Variants in DSCAM observed in about 807,000 individuals in gnomAD.
DSCAM encodes the protein cell adhesion molecule DSCAM.
A neutral mutation model predicts 217.7 loss-of-function variants in DSCAM; 47 were observed. The observed-to-expected ratio is 0.22, with a 90% confidence interval of 0.17 to 0.28. The LOEUF is 0.28. Ranked by LOEUF, DSCAM falls within the 10% of genes least tolerant of loss-of-function variation. The pLI, the probability that DSCAM is intolerant of heterozygous loss-of-function variation, is 1.00. For missense variants in DSCAM, 2,080 were observed against 2,618.3 expected, an observed-to-expected ratio of 0.79 and a Z score of 4.49; for synonymous variants, 1,056 against 1,015.3, an observed-to-expected ratio of 1.04 and a Z score of -0.76.
At chr21:40,351,046 C>T (rs2123640232) in intron 5 of DSCAM, among the ~76,000 whole-genome samples, 1 of 151,948 alleles carries the variant, frequency 6.6e-6, no homozygotes, top group East Asian at 1.9e-4. Context: ...CCATCACACC[C>T]AGCACAAACA....
At chr21:40,520,329 C>T (rs1451112420) in intron 3 of DSCAM, among the ~76,000 whole-genome samples, 1 of 152,104 alleles carries the variant, frequency 6.6e-6, no homozygotes, top group Non-Finnish European at 1.5e-5. Flanking sequence ...ATAATTATAG[C>T]AAGTCAGTTA....
At chr21:40,274,869 G>A (rs114749586) in intron 11 of DSCAM, among the ~76,000 whole-genome samples, 6 of 151,990 alleles carry the variant, frequency 3.9e-5, no homozygotes, top group South Asian at 2.1e-4. Context: ...TAAATTCTTC[G>A]TGAGTTAGGA....
chr21:40,164,717 G>A (rs183862691), intron 16 of DSCAM, among the ~76,000 whole-genome samples: 8 of 152,252 alleles, frequency 5.3e-5, no homozygotes, highest in African/African-American at 7.2e-5. Context: ...CAGGAGAATT[G>A]CTTGAACTCG....
At chr21:40,738,771 G>A (rs1450892823) in intron 1 of DSCAM, among the ~76,000 whole-genome samples, 1 of 152,212 alleles carries the variant, frequency 6.6e-6, no homozygotes, top group East Asian at 1.9e-4. Context: ...ACCACACTTG[G>A]AGAAGCAAAG....
chr21:40,285,308 G>C (rs575835324), intron 10 of DSCAM, among the ~76,000 whole-genome samples: 1 of 152,334 alleles, frequency 6.6e-6, no homozygotes, highest in East Asian at 1.9e-4. Context: ...TCTTCAGTGT[G>C]ACTGCCTACA....
chr21:40,481,865 G>A (rs79345946), intron 3 of DSCAM, among the ~76,000 whole-genome samples: 3,686 of 152,268 alleles, frequency 0.024, 103 homozygotes, highest in East Asian at 0.12. Context: ...AGTTGAGTGA[G>A]GGACAGAGCA....
At chr21:40,270,781 G>C (rs969886287) in intron 11 of DSCAM, among the ~76,000 whole-genome samples, 2 of 152,024 alleles carry the variant, frequency 1.3e-5, no homozygotes, top group African/African-American at 4.8e-5. Flanking sequence ...GCAGCTTGGG[G>C]CTGGGCTACT....
At position 40,189,795 on chromosome 21, in the gene DSCAM, G is replaced by T. The variant is rs535337647; in HGVS notation, c.2357-557C>A. Among the ~76,000 whole-genome samples, 20 of 152,258 alleles carry T rather than the reference G, an allele frequency of 1.3e-4. No individual in the cohort carries two copies. In the South Asian group the frequency reaches 4.1e-3, roughly 32 times the overall value. On this transcript the variant is annotated intron_variant, in intron 11 of 32. Transcript: ENST00000400454. ...CCTCCTCGCCTTCCATCATGGTCAT[G>T]AGGCCTCCCCAGCCACATGGAACTG...
At chr21:40,651,537 T>C (rs1273761267) in intron 3 of DSCAM, among the ~76,000 whole-genome samples, 2 of 152,136 alleles carry the variant, frequency 1.3e-5, no homozygotes, top group African/African-American at 4.8e-5. Context: ...ATAATTTCCA[T>C]CCCTCTGATT....
intron 18 of DSCAM, among the ~76,000 whole-genome samples, chr21:40,136,577 T>C (rs540633963): frequency 6.6e-6 from 1 of 152,254 alleles, no homozygotes; most frequent in East Asian, 1.9e-4. Flanking sequence ...CTGTCAAAGA[T>C]CACACACGTA....
chr21:40,579,443 C>G (rs1452574148), intron 3 of DSCAM, among the ~76,000 whole-genome samples: 1 of 152,052 alleles, frequency 6.6e-6, no homozygotes, highest in Non-Finnish European at 1.5e-5. Context: ...ATTCCAATGT[C>G]TCTTTAATAG....
chr21:40,732,256 C>T (rs1406043453), intron 1 of DSCAM, among the ~76,000 whole-genome samples: 1 of 152,210 alleles, frequency 6.6e-6, no homozygotes, highest in African/African-American at 2.4e-5. Flanking sequence ...CCCTAGGACC[C>T]TCCCTTCCTT....
chr21:40,581,282 A>G (rs1439138298), intron 3 of DSCAM, among the ~76,000 whole-genome samples: 6 of 152,294 alleles, frequency 3.9e-5, no homozygotes, highest in Non-Finnish European at 2.9e-5. Flanking sequence ...ACCTTTTGCT[A>G]GTTCCATGGG....
At chr21:40,405,641 T>C (rs1296952630) in intron 3 of DSCAM, among the ~76,000 whole-genome samples, 1 of 152,108 alleles carries the variant, frequency 6.6e-6, no homozygotes, top group African/African-American at 2.4e-5. Context: ...CTCAATACAA[T>C]AACAAGAAAG....
chr21:40,751,248 C>A (rs984167244), intron 1 of DSCAM, among the ~76,000 whole-genome samples: 1 of 152,214 alleles, frequency 6.6e-6, no homozygotes. Context: ...TGAAACTCCA[C>A]GTCTCCCTTA....
At chr21:40,206,806 G>C (rs2091132046) in intron 11 of DSCAM, among the ~76,000 whole-genome samples, 1 of 152,208 alleles carries the variant, frequency 6.6e-6, no homozygotes, top group African/African-American at 2.4e-5. Context: ...AGCTAGCTGG[G>C]GGACTGAGGT....
intron 11 of DSCAM, among the ~76,000 whole-genome samples, chr21:40,190,706 T>C (rs1489125716): frequency 1.3e-5 from 2 of 152,096 alleles, no homozygotes; most frequent in Non-Finnish European, 2.9e-5. Flanking sequence ...AAAGCTAACA[T>C]ACTCTAGAAG....
intron 3 of DSCAM, among the ~76,000 whole-genome samples, chr21:40,432,774 T>C (rs1340909135): frequency 6.6e-6 from 1 of 152,116 alleles, no homozygotes. Context: ...CTCAAAGCAA[T>C]TATATGGCTT....
chr21:40,501,264 A>C (rs925247150), intron 3 of DSCAM, among the ~76,000 whole-genome samples: 3 of 152,298 alleles, frequency 2.0e-5, no homozygotes, highest in Non-Finnish European at 2.9e-5. Flanking sequence ...TTTATGTGAC[A>C]ACCTCACCTC....
Sources: allele counts gnomAD v4.1 joint callset (sites outside exome capture counted in the v4.1 genomes callset), GRCh38; gene constraint gnomAD v4.1.1; transcripts MANE v1.5; gene names NCBI Gene and HGNC (gene_info 2026-07-23, HGNC 2026-07-21).